Variants in XKR9 observed in about 807,000 individuals in gnomAD.
XKR9 encodes XK related 9.
XKR9 carries 32 observed loss-of-function variants against 32.0 expected under a neutral mutation model. The ratio of observed to expected loss-of-function variants is 1.00; its 90% CI spans 0.76 to 1.34. XKR9 has a LOEUF of 1.34. XKR9 is among the 40% of genes most tolerant of loss of function. XKR9 has a pLI of 0.00. For synonymous variants in XKR9, 168 were observed against 143.4 expected (o/e 1.17, Z -1.22); for missense variants, 546 against 429.7 (o/e 1.27, Z -2.39).
At chr8:70,880,489 G>A in the XKR9 span, among the ~76,000 whole-genome samples, 1 of 152,104 alleles carries the variant, frequency 6.6e-6, no homozygotes, top group Non-Finnish European at 1.5e-5. Context: ...CAGACAAACA[G>A]AGAGCCAAAT....
At chr8:70,771,705 G>T (rs1045937362) in intron 2 of XKR9, among the ~76,000 whole-genome samples, 3 of 152,228 alleles carry the variant, frequency 2.0e-5, no homozygotes, top group Middle Eastern at 3.4e-3. Flanking sequence ...TCTTTGGTAG[G>T]GTGGTAATAG....
the XKR9 span, among the ~76,000 whole-genome samples, chr8:70,913,674 C>T: frequency 6.6e-6 from 1 of 152,122 alleles, no homozygotes; most frequent in Non-Finnish European, 1.5e-5. Flanking sequence ...TGAATTGTCA[C>T]AAAGTGAGCT....
intron 2 of XKR9, among the ~76,000 whole-genome samples, chr8:70,750,371 A>G (rs961919317): frequency 2.6e-5 from 4 of 152,136 alleles, no homozygotes; most frequent in Admixed American, 6.6e-5. Context: ...ATCTGATTCC[A>G]CTTTGGGAGC....
chr8:70,733,770 A>G (rs1806751406), intron 4 of XKR9, 26 bp from the exon 5 acceptor site: 1 of 1,486,822 alleles, frequency 6.7e-7, no homozygotes, highest in Non-Finnish European at 8.9e-7. Flanking sequence ...CTATAACAAT[A>G]TATTTTTTAT....
At chr8:70,885,409 T>A in the XKR9 span, among the ~76,000 whole-genome samples, 9 of 152,318 alleles carry the variant, frequency 5.9e-5, no homozygotes, top group South Asian at 2.1e-4. Flanking sequence ...TACATTTTTT[T>A]AAAATTTTAC....
downstream of XKR9, among the ~76,000 whole-genome samples, chr8:70,791,757 G>A (rs896908784): frequency 1.6e-4 from 25 of 152,108 alleles, no homozygotes; most frequent in African/African-American, 5.8e-4. Context: ...TACTCAGTCT[G>A]TGGTATTCTG....
At chr8:70,673,875 A>G (rs1020127120) in intron 1 of XKR9, among the ~76,000 whole-genome samples, 1 of 152,228 alleles carries the variant, frequency 6.6e-6, no homozygotes, top group Non-Finnish European at 1.5e-5. Context: ...CGTTCTGTTC[A>G]GTTACACTTA....
the XKR9 span, among the ~76,000 whole-genome samples, chr8:70,967,418 C>T: frequency 0.32 from 48,360 of 151,834 alleles, 9,036 homozygotes; most frequent in Non-Finnish European, 0.43. Context: ...TTAATTGTGG[C>T]ATTTAGCCTA....
chr8:70,704,828 T>G (rs1805664709), intron 3 of XKR9, among the ~76,000 whole-genome samples: 1 of 152,208 alleles, frequency 6.6e-6, no homozygotes, highest in African/African-American at 2.4e-5. Flanking sequence ...TTAGAAATCT[T>G]GCTTATAAAT....
the XKR9 span, among the ~76,000 whole-genome samples, chr8:70,811,711 A>G: frequency 8.9e-4 from 136 of 152,260 alleles, no homozygotes; most frequent in Middle Eastern, 6.8e-3. Flanking sequence ...TAAATTCCTC[A>G]ACACATACAC....
At chr8:70,952,134 A>G in the XKR9 span, among the ~76,000 whole-genome samples, 2 of 141,428 alleles carry the variant, frequency 1.4e-5, no homozygotes, top group African/African-American at 2.7e-5. Flanking sequence ...ATAAAATAGA[A>G]TAGGTTAAAG....
chr8:70,953,693 C>T, the XKR9 span, among the ~76,000 whole-genome samples: 1 of 152,150 alleles, frequency 6.6e-6, no homozygotes, highest in Non-Finnish European at 1.5e-5. Context: ...GTCTTCCATC[C>T]TGATGGGTAA....
chr8:70,719,603 G>A (rs1037972621), intron 4 of XKR9, among the ~76,000 whole-genome samples: 1 of 152,068 alleles, frequency 6.6e-6, no homozygotes, highest in Non-Finnish European at 1.5e-5. Flanking sequence ...TCAGATGGTT[G>A]TAGACCTGTG....
chr8:70,979,853 CT>C, the XKR9 span, among the ~76,000 whole-genome samples: 1 of 152,210 alleles, frequency 6.6e-6, no homozygotes, highest in Non-Finnish European at 1.5e-5. Context: ...CAGTTATGCC[CT>C]ACCCCCAAAG....
At chr8:71,050,590 A>G in the XKR9 span, among the ~76,000 whole-genome samples, 1 of 152,090 alleles carries the variant, frequency 6.6e-6, no homozygotes, top group Non-Finnish European at 1.5e-5. Context: ...GATATGTTTC[A>G]AAGCAAGAAA....
the XKR9 span, among the ~76,000 whole-genome samples, chr8:70,914,560 CT>C: frequency 6.6e-6 from 1 of 151,914 alleles, no homozygotes; most frequent in Non-Finnish European, 1.5e-5. Context: ...CCCATTTTTT[CT>C]ATTGTATTGT....
the XKR9 span, among the ~76,000 whole-genome samples, chr8:70,839,490 G>T: frequency 6.6e-6 from 1 of 152,064 alleles, no homozygotes; most frequent in Non-Finnish European, 1.5e-5. Flanking sequence ...AAACATAGCC[G>T]CCAACATTAC....
At chr8:70,848,888 G>A in the XKR9 span, among the ~76,000 whole-genome samples, 11 of 151,926 alleles carry the variant, frequency 7.2e-5, no homozygotes, top group South Asian at 2.1e-4. Flanking sequence ...TCAATGCAAC[G>A]AGAAAAGCTA....
chr8:70,800,642 C>T, the XKR9 span, among the ~76,000 whole-genome samples: 4 of 152,028 alleles, frequency 2.6e-5, no homozygotes, highest in South Asian at 2.1e-4. Flanking sequence ...ACTGTCACCA[C>T]GCCCAGCTAA....
Sources: gnomAD v4.1 joint callset for allele counts (sites outside exome capture counted in the v4.1 genomes callset) on GRCh38, gnomAD v4.1.1 for gene constraint, MANE v1.5 for transcripts, NCBI Gene and HGNC (gene_info 2026-07-23, HGNC 2026-07-21) for gene names.